Variants in FAH observed in about 807,000 individuals in gnomAD.
FAH encodes the protein fumarylacetoacetase.
In FAH, 47 loss-of-function variants were observed where a neutral mutation model predicts 55.8. That is an observed-to-expected ratio of 0.84 (90% CI 0.67 to 1.07). The LOEUF is 1.07. FAH is among the 50% of genes least tolerant of loss of function. The pLI is 0.00. For missense variants in FAH, 495 were observed against 545.9 expected (o/e 0.91, Z 0.93); for synonymous variants, 199 against 207.7 (o/e 0.96, Z 0.36).
intron 5 of FAH, chr15:80,166,349 C>T (rs1353040666): frequency 6.6e-6 from 1 of 152,134 alleles, no homozygotes; most frequent in East Asian, 1.9e-4. Flanking sequence ...GTCGCAAACT[C>T]CTGGACTCAA....
In FAH at chr15:80,180,031, C is replaced by T. The variant is rs115593983; in HGVS notation, c.961-93C>T. On this transcript the variant is annotated intron_variant, in intron 11 of 13. Coordinates refer to ENST00000561421, the MANE Select transcript of FAH (RefSeq NM_000137.4). ...GGGACCGGGGAAAGGCCAGGGAAGG[C>T]GGTCGTGAGCAGGGCAGGCTGTGCC... The T allele has an allele frequency of 5.2e-4, 469 of 905,138 alleles. 3 individuals carry two copies. In the African/African-American group the frequency reaches 7.0e-3, roughly 14 times the overall value. The allele number at this position is 905,138 out of a possible 1,614,324, so 56.1% of individuals were successfully genotyped here. A position where few individuals can be genotyped will look rare whatever the true frequency, so the allele number is the denominator to read the frequency against.
At chr15:80,179,042 T>C (rs1333265446) in intron 11 of FAH, among the ~76,000 whole-genome samples, 2 of 152,218 alleles carry the variant, frequency 1.3e-5, no homozygotes, top group Non-Finnish European at 2.9e-5. Flanking sequence ...TATCCAGTAA[T>C]AGGCTTGCTG....
intron 1 of FAH, among the ~76,000 whole-genome samples, chr15:80,155,721 G>A (rs1050673560): frequency 2.6e-5 from 4 of 152,104 alleles, no homozygotes; most frequent in Non-Finnish European, 5.9e-5. Context: ...AAGACAAGGG[G>A]GGCAGGGTAG....
intron 4 of FAH, among the ~76,000 whole-genome samples, chr15:80,161,231 C>G (rs1286391370): frequency 6.6e-6 from 1 of 151,662 alleles, no homozygotes; most frequent in Non-Finnish European, 1.5e-5. Context: ...ATATGTCTTT[C>G]AGGGATATCA....
At chr15:80,179,198 G>A (rs770061274) in intron 11 of FAH, among the ~76,000 whole-genome samples, 11 of 152,136 alleles carry the variant, frequency 7.2e-5, no homozygotes, top group Non-Finnish European at 1.5e-4. Context: ...TTGCCTTTTC[G>A]TTCAAACCGT....
rs772248387 is a variant in FAH at position 80,168,312 on chromosome 15, A to G, written c.602A>G (p.Glu201Gly). The G allele has an allele frequency of 2.5e-6, 4 of 1,610,980 alleles. No individual in the cohort carries two copies. The highest frequency in any genetic ancestry group is 3.4e-6 in the Non-Finnish European group (4 of 1,179,480). ...GACKLLDMEL[E>G]MAFFVGPGNR... ...TGCAAGCTCTTGGACATGGAGCTGG[A>G]AATGGTAAGTGAGCTTGATGTTTTA... The change falls in exon 7 of 14, where the codon GAA becomes GGA. Residue 201 changes from glutamate (E) to glycine (G), a missense_variant. Physicochemically the swap from Glu to Gly is moderately conservative, Grantham distance 98. Transcript: ENST00000561421.
At chr15:80,181,536 G>T (rs1421456040) in intron 13 of FAH, among the ~76,000 whole-genome samples, 1 of 152,150 alleles carries the variant, frequency 6.6e-6, no homozygotes, top group African/African-American at 2.4e-5. Flanking sequence ...GCAGCAGCCT[G>T]TTCCAAGGAG....
chr15:80,157,998 G>A, intron 1 of FAH, 62 bp from the exon 2 acceptor site: 1 of 1,261,364 alleles, frequency 7.9e-7, no homozygotes, highest in East Asian at 2.3e-5. Context: ...GGCTTTCTGA[G>A]TAAATGAGCC....
chr15:80,154,073 G>C (rs866392011), intron 1 of FAH, among the ~76,000 whole-genome samples: 4 of 152,150 alleles, frequency 2.6e-5, no homozygotes, highest in Non-Finnish European at 4.4e-5. Flanking sequence ...TAAGTGCTTT[G>C]GTCTAGAAGA....
At chr15:80,181,722 G>C (rs1405832163) in intron 13 of FAH, among the ~76,000 whole-genome samples, 2 of 152,104 alleles carry the variant, frequency 1.3e-5, no homozygotes, top group Non-Finnish European at 2.9e-5. Context: ...TAGCCTTTCT[G>C]AGACTCAGTT....
At chr15:80,181,200 C>A in intron 13 of FAH, 41 bp downstream of exon 13, 2 of 1,392,826 alleles carry the variant, frequency 1.4e-6, no homozygotes, top group Non-Finnish European at 2.0e-6. Flanking sequence ...TCCTCCTTGC[C>A]CGCCATGCAC....
rs80338900 is a variant in FAH at position 80,180,172 on chromosome 15, G to A, written c.1009G>A (p.Gly337Ser). 5.3e-5 allele frequency: 86 copies of A among 1,610,718 alleles called. No homozygotes were observed. Among genetic ancestry groups the A allele is most frequent in the African/African-American group, 6.7e-5 (5 of 74,904 alleles). The change falls in exon 12 of 14, where the codon GGC becomes AGC. Residue 337 changes from glycine (G) to serine (S), a missense_variant. Gly to Ser is a moderately conservative substitution (Grantham distance 56). Transcript: ENST00000561421. ...LQQLTHHSVN[G>S]CNLRPGDLLA... is the part of the protein sequence containing the mutation. The stretch of plus-strand genomic sequence containing the variant: ...GCAGCTCACTCACCACTCTGTCAAC[G>A]GCTGCAACCTGCGGCCGGGGGACCT...
chr15:80,180,032 G>T, intron 11 of FAH, 92 bp from the exon 12 acceptor site: 1 of 915,596 alleles, frequency 1.1e-6, no homozygotes, highest in East Asian at 2.5e-5. Context: ...CAGGGAAGGC[G>T]GTCGTGAGCA....
At chr15:80,154,528 C>G (rs2041081892) in intron 1 of FAH, among the ~76,000 whole-genome samples, 1 of 152,198 alleles carries the variant, frequency 6.6e-6, no homozygotes, top group Non-Finnish European at 1.5e-5. Flanking sequence ...AGAGTTGGCC[C>G]TTTGGCCTTC....
intron 13 of FAH, among the ~76,000 whole-genome samples, chr15:80,183,636 C>A (rs548638162): frequency 6.6e-6 from 1 of 152,344 alleles, no homozygotes; most frequent in Admixed American, 6.5e-5. Flanking sequence ...GCTTGCTCTT[C>A]ACGGATGCTC....
chr15:80,170,766 T>G lies in FAH; in HGVS notation c.607-1383T>G, dbSNP rs7180879. On this transcript the variant is annotated intron_variant, in intron 7 of 13. Transcript: ENST00000561421. ...CCTGGACTAGTGCTTTTGGGTTCTT[T>G]TTTTCATCTTGATGAAAAATTTGCA... 8.7e-3 allele frequency among the ~76,000 whole-genome samples: 1,319 copies of G among 152,352 alleles called. 19 individuals are homozygous for G. Among genetic ancestry groups the G allele is most frequent in the African/African-American group, 0.03 (1,231 of 41,580 alleles).
Position 80,180,202 on chromosome 15 carries a change from G to A in FAH, c.1039G>A (p.Ala347Thr), listed in dbSNP as rs376563006. The A allele has an allele frequency of 3.7e-6, 6 of 1,608,370 alleles. No individual in the cohort carries two copies. Among genetic ancestry groups the A allele is most frequent in the Non-Finnish European group, 5.1e-6 (6 of 1,179,964 alleles). The change falls in exon 12 of 14, where the codon GCT becomes ACT. Residue 347 changes from alanine to threonine, a missense_variant. Ala to Thr is a moderately conservative substitution (Grantham distance 58). Coordinates refer to ENST00000561421, the MANE Select transcript of FAH (RefSeq NM_000137.4). ...CAACCTGCGGCCGGGGGACCTCCTG[G>A]CTTCTGGGACCATCAGCGGGCCGGT... ...GCNLRPGDLL[A>T]SGTISGPEPE...
chr15:80,159,131 G>C (rs1454199766), intron 2 of FAH, among the ~76,000 whole-genome samples: 1 of 152,030 alleles, frequency 6.6e-6, no homozygotes, highest in Non-Finnish European at 1.5e-5. Context: ...CCAGCTACTC[G>C]GGAGGCTGAG....
chr15:80,158,098 C>T lies in FAH; in HGVS notation c.120C>T (p.Ile40=). The T allele has an allele frequency of 6.2e-7, 1 of 1,614,112 alleles. No homozygotes were observed. The highest frequency in any genetic ancestry group is 8.5e-7 in the Non-Finnish European group (1 of 1,179,996). ...TAGGTGTGGCCATTGGCGACCAGAT[C>T]CTGGACCTCAGCATCATCAAGCACC... ...PRIGVAIGDQ[I]LDLSIIKHLF... Residue 40 remains isoleucine, a synonymous_variant, in exon 2 of 14, where the codon ATC becomes ATT. Coordinates refer to ENST00000561421, the MANE Select transcript of FAH (RefSeq NM_000137.4).
Sources: gnomAD v4.1 joint callset for allele counts (sites outside exome capture counted in the v4.1 genomes callset) on GRCh38, gnomAD v4.1.1 for gene constraint, MANE v1.5 for transcripts, NCBI Gene and HGNC (gene_info 2026-07-23, HGNC 2026-07-21) for gene names.